CCDC18: variants seen among roughly 807,000 people sequenced by gnomAD.
CCDC18 encodes the protein coiled-coil domain-containing protein 18.
In CCDC18, 157 loss-of-function variants were observed where a neutral mutation model predicts 196.0. The observed-to-expected ratio is 0.80, with a 90% CI of 0.70 to 0.91. The LOEUF is 0.91. Ranked by LOEUF, CCDC18 falls within the 40% of genes least tolerant of loss-of-function variation. CCDC18 has a pLI of 0.00. For missense variants in CCDC18, 1,465 were observed against 1,611.6 expected, an observed-to-expected ratio of 0.91 and a Z score of 1.56; for synonymous variants, 482 against 529.2, an observed-to-expected ratio of 0.91 and a Z score of 1.22.
intron 25 of CCDC18, among the ~76,000 whole-genome samples, chr1:93,257,236 A>AC (rs1304657351): frequency 1.5e-5 from 2 of 136,468 alleles, no homozygotes; most frequent in Admixed American, 1.4e-4. Context: ...CATCTCAAAA[A>AC]AAAAAAAAAA....
chr1:93,197,833 G>C (rs1031770440), intron 6 of CCDC18, among the ~76,000 whole-genome samples: 1 of 136,002 alleles, frequency 7.4e-6, no homozygotes, highest in African/African-American at 2.8e-5. Context: ...CTCACTGCAA[G>C]CTCCACCTCC....
At chr1:93,272,786 G>GT (rs926824306) in intron 28 of CCDC18, among the ~76,000 whole-genome samples, 3 of 152,172 alleles carry the variant, frequency 2.0e-5, no homozygotes, top group African/African-American at 7.2e-5. Context: ...TCAAGGGAGA[G>GT]TTTTTTGTTT....
intron 14 of CCDC18, among the ~76,000 whole-genome samples, chr1:93,218,153 GA>G (rs1332085782): frequency 1.3e-5 from 2 of 151,840 alleles, no homozygotes; most frequent in Non-Finnish European, 2.9e-5. Context: ...TGATTGAGAG[GA>G]AAAAGCAGAA....
chr1:93,210,890 G>C lies in CCDC18; in HGVS notation c.1298G>C (p.Cys433Ser), dbSNP rs1180668330. 1.1e-5 allele frequency: 17 copies of C among 1,613,888 alleles called. No homozygotes were observed. The highest frequency in any genetic ancestry group is 1.4e-5 in the Non-Finnish European group (17 of 1,179,844). Residue 433 changes from cysteine to serine, a missense_variant, in exon 10 of 29, where the codon TGC becomes TCC. By Grantham distance (112) the Cys-to-Ser change is moderately radical. Coordinates refer to ENST00000690025, the MANE Select transcript of CCDC18 (RefSeq NM_001378204.1). Reference protein sequence around the residue: ...FSNKEDRCIGCCEANKLVISE... With the variant: ...FSNKEDRCIGSCEANKLVISE... Reference sequence around the variant, plus strand: ...AACAAGGAAGACCGTTGCATTGGCTGCTGTGAGGCAAATAAATTGGTGATT... The same window carrying C: ...AACAAGGAAGACCGTTGCATTGGCTCCTGTGAGGCAAATAAATTGGTGATT...
intron 27 of CCDC18, among the ~76,000 whole-genome samples, chr1:93,267,251 A>G (rs1334776511): frequency 1.3e-4 from 20 of 152,240 alleles, no homozygotes. Flanking sequence ...ACAGCCCTTC[A>G]TGCTAAAAAC....
chr1:93,223,864 A>G (rs1381137044), intron 16 of CCDC18, among the ~76,000 whole-genome samples: 2 of 151,202 alleles, frequency 1.3e-5, no homozygotes, highest in Non-Finnish European at 2.9e-5. Context: ...GGTTCAGCAG[A>G]GTGGTGTTTG....
chr1:93,220,335 C>T (rs72957300), intron 14 of CCDC18, among the ~76,000 whole-genome samples: 12,393 of 152,034 alleles, frequency 0.082, 1,649 homozygotes, highest in African/African-American at 0.28. Context: ...AGATGAAGGA[C>T]CGCATAGAGA....
rs949520283 is a variant in CCDC18 at position 93,273,129 on chromosome 1, C to T, written c.4353+2315C>T. On this transcript the variant is annotated intron_variant, in intron 28 of 28. Transcript: ENST00000690025. ...TGTTGCCCAGGCTGGAGTGCAGTGG[C>T]GCAATCTTGGCTCACTGCAAGCTCC... Among the ~76,000 whole-genome samples the T allele has an allele frequency of 5.3e-5, 8 of 151,610 alleles. No homozygotes were observed. In the East Asian group the frequency reaches 9.7e-4, roughly 18 times the overall value.
chr1:93,262,671 G>A (rs1037348670), intron 26 of CCDC18, among the ~76,000 whole-genome samples: 2 of 152,196 alleles, frequency 1.3e-5, no homozygotes, highest in Non-Finnish European at 2.9e-5. Flanking sequence ...TGAGTGCCTG[G>A]GGCTTTTCCA....
chr1:93,187,452 T>G (rs1650918041), intron 4 of CCDC18, among the ~76,000 whole-genome samples: 1 of 152,082 alleles, frequency 6.6e-6, no homozygotes, highest in Admixed American at 6.6e-5. Flanking sequence ...TGTGTGTGTT[T>G]GTATGTAAAT....
At chr1:93,200,523 A>G (rs1339028054) in intron 6 of CCDC18, among the ~76,000 whole-genome samples, 1 of 152,192 alleles carries the variant, frequency 6.6e-6, no homozygotes, top group Non-Finnish European at 1.5e-5. Context: ...ATGAACTGTG[A>G]TATATACTAT....
chr1:93,180,931 T>A (rs376154078), intron 1 of CCDC18, 79 bp downstream of exon 1: 211 of 1,305,872 alleles, frequency 1.6e-4, no homozygotes, highest in Admixed American at 6.6e-4. Flanking sequence ...CTGGGGGAGT[T>A]CTGTTCCTTT....
In CCDC18 at chr1:93,180,787, C is replaced by T; in HGVS notation, c.-68C>T. The T allele has an allele frequency of 7.3e-7, 1 of 1,367,784 alleles. No homozygotes were observed. Among genetic ancestry groups the T allele is most frequent in the Non-Finnish European group, 9.8e-7 (1 of 1,021,972 alleles). The allele number at this position is 1,367,784 out of a possible 1,614,324, so 84.7% of individuals were successfully genotyped here. On this transcript the variant is annotated 5_prime_UTR_variant, in exon 1 of 29. Transcript: ENST00000690025. ...GAGTTGTGTCCGAGGCTTCCACGCG[C>T]AGGGGCCCGGGAAAGGGTCAGAGGC...
intron 18 of CCDC18, among the ~76,000 whole-genome samples, chr1:93,232,820 A>C (rs918046340): frequency 1.3e-5 from 2 of 152,156 alleles, no homozygotes. Context: ...AAAATACAAA[A>C]CTTAGCCAGG....
intron 4 of CCDC18, chr1:93,191,017 C>T: frequency 1.0e-6 from 1 of 1,003,038 alleles, no homozygotes; most frequent in Non-Finnish European, 1.5e-6. Flanking sequence ...GTGCTTGCCA[C>T]ACTTCTTACA....
chr1:93,226,991 T>C (rs1049467008), intron 17 of CCDC18, among the ~76,000 whole-genome samples: 2 of 152,138 alleles, frequency 1.3e-5, no homozygotes, highest in African/African-American at 4.8e-5. Flanking sequence ...GAATAAATTA[T>C]TAATATTACA....
intron 28 of CCDC18, among the ~76,000 whole-genome samples, chr1:93,274,585 C>A (rs1283822655): frequency 1.3e-5 from 2 of 151,988 alleles, no homozygotes; most frequent in Non-Finnish European, 2.9e-5. Flanking sequence ...TGCCTCACAC[C>A]TTTAATCCCA....
intron 14 of CCDC18, among the ~76,000 whole-genome samples, chr1:93,219,454 C>T (rs932757769): frequency 1.3e-5 from 2 of 152,032 alleles, no homozygotes; most frequent in African/African-American, 4.8e-5. Flanking sequence ...TGCTTTGGGG[C>T]CATTATTAAG....
chr1:93,260,126 G>A (rs956213856), intron 26 of CCDC18, among the ~76,000 whole-genome samples: 49 of 152,302 alleles, frequency 3.2e-4, no homozygotes, highest in African/African-American at 1.1e-3. Context: ...GCTCACACCT[G>A]TAATCCCAGT....
Sources: allele counts gnomAD v4.1 joint callset (sites outside exome capture counted in the v4.1 genomes callset), GRCh38; gene constraint gnomAD v4.1.1; transcripts MANE v1.5; gene names NCBI Gene and HGNC (gene_info 2026-07-23, HGNC 2026-07-21).